The following MECOM variants were observed in gnomAD, a reference collection of about 807,000 sequenced individuals.
The protein encoded by MECOM is MDS1 and EVI1 complex locus.
A neutral mutation model predicts 116.3 loss-of-function variants in MECOM; 13 were observed. The observed-to-expected ratio is 0.11, with a 90% CI of 0.07 to 0.18. The LOEUF (loss-of-function observed/expected upper bound fraction) is 0.18, where lower values mean the gene tolerates loss of function less well. Ranked by LOEUF, MECOM falls within the 10% of genes least tolerant of loss-of-function variation. MECOM has a pLI of 1.00. For synonymous variants in MECOM, 528 were observed against 535.2 expected (o/e 0.99, Z 0.19); for missense variants, 1,299 against 1,509.0 (o/e 0.86, Z 2.31).
chr3:169,524,994 T>C (rs1271965109), intron 1 of MECOM, among the ~76,000 whole-genome samples: 2 of 152,070 alleles, frequency 1.3e-5, no homozygotes, highest in Non-Finnish European at 2.9e-5. Context: ...AAAAGACATA[T>C]TGTGAGATTA....
At chr3:169,434,322 A>T (rs1742262173) in intron 1 of MECOM, among the ~76,000 whole-genome samples, 1 of 152,062 alleles carries the variant, frequency 6.6e-6, no homozygotes, top group African/African-American at 2.4e-5. Context: ...CAAATTAGCT[A>T]CTCTCCTTGG....
intron 2 of MECOM, among the ~76,000 whole-genome samples, chr3:169,151,587 T>G (rs1396754058): frequency 6.6e-6 from 1 of 152,262 alleles, no homozygotes; most frequent in Non-Finnish European, 1.5e-5. Flanking sequence ...TGTTAAATCC[T>G]GTTTCATACA....
intron 1 of MECOM, among the ~76,000 whole-genome samples, chr3:169,390,119 T>C (rs1236196163): frequency 6.6e-6 from 1 of 152,144 alleles, no homozygotes; most frequent in East Asian, 1.9e-4. Context: ...CTGAGAGTCA[T>C]AGCTGCTTGG....
At chr3:169,302,855 C>T (rs1170787877) in intron 2 of MECOM, among the ~76,000 whole-genome samples, 1 of 151,446 alleles carries the variant, frequency 6.6e-6, no homozygotes, top group Non-Finnish European at 1.5e-5. Flanking sequence ...TAGAGGGAGA[C>T]TCTGTCTCAA....
At chr3:169,464,492 C>T (rs376693168) in intron 1 of MECOM, among the ~76,000 whole-genome samples, 18 of 151,296 alleles carry the variant, frequency 1.2e-4, no homozygotes, top group African/African-American at 2.9e-4. Flanking sequence ...AAAAGCACCA[C>T]GGACCCTCAT....
chr3:169,135,029 T>G lies in MECOM; in HGVS notation c.511-3498A>C, dbSNP rs1443128372. On this transcript the variant is annotated intron_variant, in intron 3 of 16. Coordinates refer to ENST00000651503, the MANE Select transcript of MECOM (RefSeq NM_004991.4). ...CTCACATATTTGTATATAATAAGTA[T>G]GTTTGACCATGCTTATAAAATAGAG... is the stretch of plus-strand genomic sequence containing the variant. 5.9e-5 allele frequency among the ~76,000 whole-genome samples: 9 copies of G among 151,486 alleles called. No homozygotes were observed. The South Asian group carries it at 1.9e-3, about 32-fold the overall frequency.
At chr3:169,556,528 C>T (rs974257497) in intron 1 of MECOM, among the ~76,000 whole-genome samples, 6 of 152,162 alleles carry the variant, frequency 3.9e-5, no homozygotes, top group Admixed American at 2.0e-4. Flanking sequence ...CTTAAGATAG[C>T]ACCAGTGATC....
intron 2 of MECOM, among the ~76,000 whole-genome samples, chr3:169,378,534 GAA>G (rs1176174186): frequency 2.2e-5 from 2 of 90,468 alleles, no homozygotes; most frequent in African/African-American, 9.9e-5. Context: ...AAGAAAGAAA[GAA>G]AGAAAGAAAG....
Position 169,614,293 on chromosome 3 carries a change from C to T in MECOM, c.37+49043G>A, listed in dbSNP as rs559458434. Among the ~76,000 whole-genome samples, 5 of 151,826 alleles carry T rather than the reference C, an allele frequency of 3.3e-5. No individual in the cohort carries two copies. In the South Asian group the frequency reaches 1.0e-3, roughly 32 times the overall value. ...TGAGGATGCCTGTCCAAAATTCCTC[C>T]CTCACTTAAACAGAGCTTTAGGTTT... is the stretch of plus-strand genomic sequence containing the variant. On this transcript the variant is annotated intron_variant, in intron 1 of 16. Coordinates refer to ENST00000651503, the MANE Select transcript of MECOM (RefSeq NM_004991.4).
At chr3:169,274,756 C>G (rs1049914721) in intron 2 of MECOM, among the ~76,000 whole-genome samples, 2 of 152,192 alleles carry the variant, frequency 1.3e-5, no homozygotes, top group Non-Finnish European at 2.9e-5. Flanking sequence ...CTCACTCACG[C>G]TAGTGCTCAA....
intron 5 of MECOM, among the ~76,000 whole-genome samples, chr3:169,123,763 C>A (rs2149137967): frequency 6.6e-6 from 1 of 152,014 alleles, no homozygotes; most frequent in Admixed American, 6.6e-5. Context: ...TAGATAATAT[C>A]CAAAAAATTA....
intron 2 of MECOM, among the ~76,000 whole-genome samples, chr3:169,237,422 A>T (rs1376630242): frequency 6.6e-6 from 1 of 152,138 alleles, no homozygotes; most frequent in African/African-American, 2.4e-5. Context: ...TCAATATAAA[A>T]TTGTTATTTT....
At chr3:169,545,047 AT>A (rs998907924) in intron 1 of MECOM, among the ~76,000 whole-genome samples, 1 of 152,128 alleles carries the variant, frequency 6.6e-6, no homozygotes, top group Non-Finnish European at 1.5e-5. Context: ...TTTAAAAAAA[AT>A]TTTTTTAATT....
Position 169,095,184 on chromosome 3 carries a change from T to C in MECOM, c.2911A>G (p.Ile971Val). The C allele has an allele frequency of 6.2e-7, 1 of 1,613,704 alleles. No homozygotes were observed. Among genetic ancestry groups the C allele is most frequent in the Non-Finnish European group, 8.5e-7 (1 of 1,179,832 alleles). Reference sequence around the variant, plus strand: ...TTAAATGGCTTCTCTTTATTGTGGATGTTGCGAACATGCCTTTGCAAGTTA... The same window carrying C: ...TTAAATGGCTTCTCTTTATTGTGGACGTTGCGAACATGCCTTTGCAAGTTA... ...SSNLQRHVRNIHNKEKPFKCH... is the reference protein window; with the variant it reads ...SSNLQRHVRNVHNKEKPFKCH... Residue 971 changes from isoleucine (I) to valine (V), a missense_variant, in exon 13 of 17, where the codon ATC (isoleucine) becomes GTC (valine). Physicochemically the swap from Ile to Val is conservative, Grantham distance 29. Around this residue, in one of 6 missense-constraint regions of MECOM, gnomAD observed 32 missense variants for 96.7 expected, o/e 0.33. Transcript: ENST00000651503.
chr3:169,367,162 A>G (rs1175473037), intron 2 of MECOM, among the ~76,000 whole-genome samples: 1 of 152,064 alleles, frequency 6.6e-6, no homozygotes, highest in African/African-American at 2.4e-5. Flanking sequence ...AGAGTGCTGG[A>G]TTATGAGGAG....
chr3:169,223,443 T>C (rs890363705), intron 2 of MECOM, among the ~76,000 whole-genome samples: 4 of 151,794 alleles, frequency 2.6e-5, no homozygotes, highest in Non-Finnish European at 4.4e-5. Context: ...GCTTCATCCA[T>C]GTCCCTACAA....
At chr3:169,279,441 T>A (rs1711508269) in intron 2 of MECOM, among the ~76,000 whole-genome samples, 1 of 151,864 alleles carries the variant, frequency 6.6e-6, no homozygotes. Flanking sequence ...GTTTTACAAA[T>A]GAGGGGAGGA....
intron 2 of MECOM, among the ~76,000 whole-genome samples, chr3:169,317,544 C>T (rs920829852): frequency 2.0e-5 from 3 of 152,188 alleles, no homozygotes; most frequent in Non-Finnish European, 2.9e-5. Flanking sequence ...TCTTTCCTCT[C>T]TCCAGAGTAT....
Position 169,127,870 on chromosome 3 carries a change from A to G in MECOM, c.804T>C (p.Cys268=). Residue 268 remains cysteine (C), a synonymous_variant, in exon 5 of 17, where the codon TGT becomes TGC. Coordinates refer to ENST00000651503, the MANE Select transcript of MECOM (RefSeq NM_004991.4). Reference sequence around the variant, plus strand: ...TTTGCAAATCAGGAAAAACTTGGTCACATTCCTTACACTCCTGGATCGTGT... The same window carrying G: ...TTTGCAAATCAGGAAAAACTTGGTCGCATTCCTTACACTCCTGGATCGTGT... The part of the protein sequence containing the change: ...EIHTIQECKE[C]DQVFPDLQSL... 2.5e-6 allele frequency: 4 copies of G among 1,614,010 alleles called. No homozygotes were observed. Among genetic ancestry groups the G allele is most frequent in the Non-Finnish European group, 3.4e-6 (4 of 1,179,896 alleles).
Sources: allele counts gnomAD v4.1 joint callset (sites outside exome capture counted in the v4.1 genomes callset), GRCh38; gene constraint gnomAD v4.1.1; regional missense constraint gnomAD v4.1.1; transcripts MANE v1.5; gene names NCBI Gene and HGNC (gene_info 2026-07-23, HGNC 2026-07-21).